ATG4A: variants seen among roughly 807,000 people sequenced by gnomAD.
The protein encoded by ATG4A is cysteine protease ATG4A.
A neutral mutation model predicts 38.4 loss-of-function variants in ATG4A; 22 were observed. That is an observed-to-expected ratio of 0.57 (90% confidence interval 0.41 to 0.82). The LOEUF is 0.82. Ranked by LOEUF, ATG4A falls within the 40% of genes least tolerant of loss-of-function variation. ATG4A has a pLI of 0.00. For missense variants in ATG4A, 220 were observed against 290.0 expected (o/e 0.76, Z 1.75); for synonymous variants, 86 against 100.7 (o/e 0.85, Z 0.88).
At chrX:108,107,426 C>T (rs2032213181) in intron 1 of ATG4A, among the ~76,000 whole-genome samples, 1 of 111,962 alleles carries the variant, frequency 8.9e-6, no homozygotes, top group South Asian at 3.7e-4. Flanking sequence ...AATTTGTTTT[C>T]AGCATGTTCG....
At chrX:108,127,289 C>A (rs2147997641) in intron 2 of ATG4A, among the ~76,000 whole-genome samples, 1 of 112,084 alleles carries the variant, frequency 8.9e-6, no homozygotes, top group South Asian at 3.7e-4. Context: ...ATACAACTTT[C>A]CCAGCGTAAA....
chrX:108,143,879 C>A (rs2033363832), intron 9 of ATG4A: 2 of 115,234 alleles, frequency 1.7e-5, no homozygotes, highest in Non-Finnish European at 3.6e-5. Context: ...TCAGAGCTTA[C>A]ACAGCCTTCT....
chrX:108,137,575 C>T (rs757139297), intron 7 of ATG4A, among the ~76,000 whole-genome samples: 7 of 111,589 alleles, frequency 6.3e-5, no homozygotes, highest in Non-Finnish European at 1.3e-4. Context: ...AGCCCAGAAT[C>T]CCTATTGGGA....
chrX:108,139,298 G>C (rs1013688364), intron 9 of ATG4A, among the ~76,000 whole-genome samples: 1 of 111,953 alleles, frequency 8.9e-6, no homozygotes, highest in African/African-American at 3.3e-5. Flanking sequence ...TCAGTCTCAG[G>C]TTCCTTTTAT....
At chrX:108,101,567 AT>A (rs969125165) in intron 1 of ATG4A, among the ~76,000 whole-genome samples, 48 of 109,138 alleles carry the variant, frequency 4.4e-4, no homozygotes, top group African/African-American at 1.2e-3. Flanking sequence ...CATGTCATGT[AT>A]TTTTTTTATC....
At chrX:108,103,628 C>T (rs1005493851) in intron 1 of ATG4A, among the ~76,000 whole-genome samples, 3 of 111,445 alleles carry the variant, frequency 2.7e-5, no homozygotes, top group Non-Finnish European at 5.7e-5. Flanking sequence ...TCTCTTCACA[C>T]ATTCTTTTGT....
chrX:108,101,103 A>G (rs2031997706), intron 1 of ATG4A, among the ~76,000 whole-genome samples: 1 of 111,046 alleles, frequency 9.0e-6, no homozygotes, highest in Non-Finnish European at 1.9e-5. Context: ...CAAGCTATTC[A>G]AATTATCTAA....
Position 108,152,993 on chromosome X carries a change from G to C in ATG4A, c.1032G>C (p.Glu344Asp). 8.3e-7 allele frequency: 1 copy of C among 1,206,405 alleles called. No homozygotes were observed. The highest frequency in any genetic ancestry group is 1.1e-6 in the Non-Finnish European group (1 of 890,776). ...CATCTCCCCAGGAAATTCTAAAGGAGAATTTAAGGATGTTTGAATTAGTTC... is the reference window on the plus strand; with the variant it reads ...CATCTCCCCAGGAAATTCTAAAGGACAATTTAAGGATGTTTGAATTAGTTC... ...CSLVQKEILKENLRMFELVQK... is the reference protein window; with the variant it reads ...CSLVQKEILKDNLRMFELVQK... Residue 344 changes from glutamate (E) to aspartate (D), a missense_variant, in exon 12 of 13, where the codon GAG becomes GAC. Physicochemically the swap from Glu to Asp is conservative, Grantham distance 45. Around this residue, in one of 3 missense-constraint regions of ATG4A, gnomAD observed 159 missense variants for 188.9 expected, o/e 0.84. Transcript: ENST00000372232.
chrX:108,110,201 CAAAA>C (rs35962236), intron 1 of ATG4A, among the ~76,000 whole-genome samples: 2 of 51,582 alleles, frequency 3.9e-5, no homozygotes, highest in Non-Finnish European at 6.9e-5. Context: ...CCTGTCTCCA[CAAAA>C]AAAAAAAAAA....
At chrX:108,125,471 C>A (rs897020045) in intron 1 of ATG4A, among the ~76,000 whole-genome samples, 2 of 112,511 alleles carry the variant, frequency 1.8e-5, no homozygotes, top group African/African-American at 6.5e-5. Flanking sequence ...TCTTAATAGT[C>A]ATCTGTGAAT....
At chrX:108,133,842 T>C (rs2033027651) in intron 4 of ATG4A, among the ~76,000 whole-genome samples, 1 of 112,153 alleles carries the variant, frequency 8.9e-6, no homozygotes, top group Admixed American at 9.5e-5. Flanking sequence ...TTTGTTTTGC[T>C]TTTACTTTAT....
At chrX:108,134,208 C>T (rs2033038258) in intron 5 of ATG4A, 50 bp downstream of exon 5, 1 of 1,138,118 alleles carries the variant, frequency 8.8e-7, no homozygotes, top group Admixed American at 2.3e-5. Context: ...CCTGTTCCTT[C>T]TCTTCCCTTG....
intron 1 of ATG4A, among the ~76,000 whole-genome samples, chrX:108,094,803 C>T (rs2147950594): frequency 8.9e-6 from 1 of 112,301 alleles, no homozygotes; most frequent in African/African-American, 3.2e-5. Context: ...GAAAGCTGCT[C>T]AATTGCACAG....
intron 1 of ATG4A, among the ~76,000 whole-genome samples, chrX:108,112,243 AT>A (rs887103203): frequency 5.9e-4 from 66 of 111,620 alleles, no homozygotes; most frequent in Non-Finnish European, 1.1e-3. Flanking sequence ...ACTCATTCTA[AT>A]TTTTTTGTAC....
At position 108,150,196 on chromosome X, in the gene ATG4A, G is replaced by A. The variant is rs1229857850; in HGVS notation, c.859G>A (p.Val287Ile). The A allele has an allele frequency of 8.3e-7, 1 of 1,211,919 alleles. No individual in the cohort carries two copies. Among genetic ancestry groups the A allele is most frequent in the Non-Finnish European group, 1.1e-6 (1 of 895,520 alleles). Residue 287 changes from valine (V) to isoleucine (I), a missense_variant, in exon 10 of 13, where the codon GTT becomes ATT. Around this residue, in one of 3 missense-constraint regions of ATG4A, gnomAD observed 159 missense variants for 188.9 expected, o/e 0.84. Coordinates refer to ENST00000372232, the MANE Select transcript of ATG4A (RefSeq NM_052936.5). ...FLDPHTTQTF[V>I]DTEENGTVND... is the part of the protein sequence containing the mutation. ...GGACCCTCATACAACCCAGACCTTT[G>A]TTGACACTGAAGAGAATGGAACGGT...
intron 1 of ATG4A, among the ~76,000 whole-genome samples, chrX:108,095,233 A>AT (rs2031770400): frequency 9.0e-6 from 1 of 111,267 alleles, no homozygotes; most frequent in African/African-American, 3.3e-5. Context: ...AGCCTATTTT[A>AT]TTTTTTATTG....
intron 1 of ATG4A, among the ~76,000 whole-genome samples, chrX:108,099,392 AC>A (rs1473352909): frequency 9.0e-6 from 1 of 111,419 alleles, no homozygotes; most frequent in Non-Finnish European, 1.9e-5. Flanking sequence ...TATTCTAGAT[AC>A]CAGTTCTTTG....
At chrX:108,100,164 C>T (rs1181234250) in intron 1 of ATG4A, among the ~76,000 whole-genome samples, 11 of 111,134 alleles carry the variant, frequency 9.9e-5, no homozygotes, top group African/African-American at 3.3e-4. Flanking sequence ...GCATAGAAAT[C>T]TTGTATGTTT....
At chrX:108,089,662 G>A (rs1486986214), upstream of ATG4A, among the ~76,000 whole-genome samples, 1 of 109,911 alleles carries the variant, frequency 9.1e-6, no homozygotes, top group Non-Finnish European at 1.9e-5. Context: ...GTGAAACTCC[G>A]TCTCTACTAA....
Sources: allele counts gnomAD v4.1 joint callset (sites outside exome capture counted in the v4.1 genomes callset), GRCh38; gene constraint gnomAD v4.1.1; regional missense constraint gnomAD v4.1.1; transcripts MANE v1.5; gene names NCBI Gene and HGNC (gene_info 2026-07-23, HGNC 2026-07-21).